DMD: variants seen among roughly 807,000 people sequenced by gnomAD.
DMD encodes the protein mutant dystrophin.
A neutral mutation model predicts 330.1 loss-of-function variants in DMD; 63 were observed. The observed-to-expected ratio is 0.19, with a 90% CI of 0.16 to 0.24. The LOEUF (loss-of-function observed/expected upper bound fraction) is 0.24, where lower values mean the gene tolerates loss of function less well. Among genes scored for constraint, DMD ranks in the 10% least tolerant of loss-of-function variants. DMD has a pLI of 1.00. For synonymous variants in DMD, 1,223 were observed against 959.8 expected, an observed-to-expected ratio of 1.27 and a Z score of -5.07; for missense variants, 3,344 against 2,684.1, an observed-to-expected ratio of 1.25 and a Z score of -5.43.
intron 70 of DMD, 174 bp downstream of exon 70, chrX:31,178,495 G>T: frequency 2.1e-6 from 2 of 946,867 alleles, no homozygotes; most frequent in East Asian, 4.1e-5. Flanking sequence ...ATTGTCAAGT[G>T]ACGTGGGAAA....
At chrX:31,357,378 G>GA (rs765192328) in intron 60 of DMD, among the ~76,000 whole-genome samples, 231 of 81,251 alleles carry the variant, frequency 2.8e-3, no homozygotes, top group Middle Eastern at 7.5e-3. Flanking sequence ...GGTATTGTCC[G>GA]AAAAAAAAAA....
intron 11 of DMD, among the ~76,000 whole-genome samples, chrX:32,638,492 G>A (rs759674367): frequency 1.7e-4 from 19 of 112,055 alleles, no homozygotes; most frequent in Non-Finnish European, 3.4e-4. Flanking sequence ...TTCTGATTCT[G>A]TATATATCAG....
chrX:31,384,937 G>T (rs959136353), intron 60 of DMD, among the ~76,000 whole-genome samples: 43 of 112,207 alleles, frequency 3.8e-4, no homozygotes, highest in African/African-American at 1.2e-3. Flanking sequence ...AAACGTGGAG[G>T]ACTTCAAATA....
chrX:32,102,436 T>C (rs1319687810), intron 44 of DMD, among the ~76,000 whole-genome samples: 1 of 111,527 alleles, frequency 9.0e-6, no homozygotes, highest in Non-Finnish European at 1.9e-5. Flanking sequence ...AAGGACAGAC[T>C]GGAAAATTTT....
intron 1 of DMD, among the ~76,000 whole-genome samples, chrX:33,259,099 T>G (rs770541136): frequency 9.0e-6 from 1 of 111,444 alleles, no homozygotes; most frequent in African/African-American, 3.3e-5. Context: ...TATGGCGCTT[T>G]ACTGTGCGTT....
chrX:32,399,853 A>T (rs193089195), intron 30 of DMD, among the ~76,000 whole-genome samples: 1 of 112,137 alleles, frequency 8.9e-6, no homozygotes, highest in African/African-American at 3.2e-5. Context: ...TAAAAAACGA[A>T]TGGATAAAGA....
At chrX:31,742,567 T>C (rs1458871215) in intron 51 of DMD, among the ~76,000 whole-genome samples, 1 of 111,724 alleles carries the variant, frequency 9.0e-6, no homozygotes, top group Non-Finnish European at 1.9e-5. Context: ...TGATTAAGTT[T>C]GCCATCTTAT....
At chrX:31,709,555 GCT>G (rs753402977) in intron 52 of DMD, among the ~76,000 whole-genome samples, 12,753 of 89,130 alleles carry the variant, frequency 0.14, 659 homozygotes, top group South Asian at 0.23. Flanking sequence ...TTATTGTACA[GCT>G]CTCTCTCTCT....
In DMD at chrX:33,175,780, C is replaced by T. The variant is rs151148936; in HGVS notation, c.31+35502G>A. Among the ~76,000 whole-genome samples the T allele has an allele frequency of 2.5e-4, 28 of 111,391 alleles. No homozygotes were observed. The East Asian group carries it at 6.8e-3, about 27-fold the overall frequency. Reference sequence around the variant, plus strand: ...CCTTCTATTGTGAAGGAGCAAATACCGGCTATGCTGTTTTGCAGTTAACAT... The same window carrying T: ...CCTTCTATTGTGAAGGAGCAAATACTGGCTATGCTGTTTTGCAGTTAACAT... On this transcript the variant is annotated intron_variant, in intron 1 of 78. Coordinates refer to ENST00000357033, the MANE Select transcript of DMD (RefSeq NM_004006.3).
At chrX:31,522,363 C>CTCTCTCTATATATATATATATATATA in intron 55 of DMD, among the ~76,000 whole-genome samples, 8 of 35,960 alleles carry the variant, frequency 2.2e-4, no homozygotes, top group Admixed American at 4.2e-4. Context: ...CTCTCTCTCT[C>CTCTCTCTATATATATATATATATATA]TATATATATA....
chrX:32,035,877 G>A (rs1426403777), intron 44 of DMD, among the ~76,000 whole-genome samples: 1 of 111,602 alleles, frequency 9.0e-6, no homozygotes, highest in Non-Finnish European at 1.9e-5. Context: ...CGCTGATTCC[G>A]GGAATTGTAC....
intron 54 of DMD, among the ~76,000 whole-genome samples, chrX:31,641,016 T>A (rs1412269786): frequency 9.0e-6 from 1 of 111,706 alleles, no homozygotes; most frequent in Non-Finnish European, 1.9e-5. Flanking sequence ...GGAAAAATAC[T>A]GAGGAGCAGG....
intron 51 of DMD, among the ~76,000 whole-genome samples, chrX:31,773,598 G>T (rs1364396129): frequency 9.0e-6 from 1 of 111,128 alleles, no homozygotes; most frequent in Non-Finnish European, 1.9e-5. Context: ...GGGCTGCGTA[G>T]TGCCAAAACA....
chrX:31,530,119 T>A (rs1472000027), intron 55 of DMD, among the ~76,000 whole-genome samples: 2 of 111,693 alleles, frequency 1.8e-5, no homozygotes, highest in Non-Finnish European at 3.8e-5. Flanking sequence ...ATTTTATGTT[T>A]AAAAAAATGG....
At chrX:32,693,676 G>A (rs1188611281) in intron 9 of DMD, among the ~76,000 whole-genome samples, 6 of 112,057 alleles carry the variant, frequency 5.4e-5, no homozygotes, top group Non-Finnish European at 1.1e-4. Context: ...CTAGCCTCAA[G>A]TGATCTCCCC....
intron 27 of DMD, among the ~76,000 whole-genome samples, chrX:32,443,614 G>A (rs1298106442): frequency 1.8e-5 from 2 of 111,140 alleles, no homozygotes; most frequent in Non-Finnish European, 3.8e-5. Flanking sequence ...TGATTTAACT[G>A]TCAGAATGGA....
intron 30 of DMD, among the ~76,000 whole-genome samples, chrX:32,397,397 C>T (rs1336874531): frequency 8.9e-6 from 1 of 111,737 alleles, no homozygotes; most frequent in East Asian, 2.8e-4. Context: ...GATGTGAACA[C>T]TCACATATGC....
intron 15 of DMD, among the ~76,000 whole-genome samples, chrX:32,572,338 T>G (rs903126049): frequency 1.8e-5 from 2 of 111,620 alleles, no homozygotes; most frequent in African/African-American, 6.5e-5. Context: ...TATTATGAAG[T>G]ACAATGCAAT....
intron 9 of DMD, among the ~76,000 whole-genome samples, chrX:32,661,562 A>G (rs1349206801): frequency 3.6e-5 from 4 of 111,448 alleles, no homozygotes; most frequent in African/African-American, 1.3e-4. Context: ...AGATAGCTAG[A>G]TTTATAAAAT....
Sources: gnomAD v4.1 joint callset for allele counts (sites outside exome capture counted in the v4.1 genomes callset) on GRCh38, gnomAD v4.1.1 for gene constraint, MANE v1.5 for transcripts, NCBI Gene and HGNC (gene_info 2026-07-23, HGNC 2026-07-21) for gene names.